Variants in KLHDC10 observed in about 807,000 individuals in gnomAD.
KLHDC10 encodes kelch domain-containing protein 10.
KLHDC10 carries 24 observed loss-of-function variants against 56.1 expected under a neutral mutation model. The observed-to-expected ratio is 0.43, with a 90% CI of 0.31 to 0.60. The LOEUF is 0.60. KLHDC10 is among the 20% of genes least tolerant of loss of function. KLHDC10 has a pLI of 0.11. For synonymous variants in KLHDC10, 188 were observed against 207.1 expected, an observed-to-expected ratio of 0.91 and a Z score of 0.79; for missense variants, 349 against 567.0, an observed-to-expected ratio of 0.62 and a Z score of 3.91.
Position 130,135,257 on chromosome 7 carries a change from G to A in KLHDC10, c.*4511G>A, listed in dbSNP as rs1796458563. The stretch of plus-strand genomic sequence containing the variant: ...AGTTATACATTTAGAATATAAAGGA[G>A]GCATCAGAAAACACACTCTCTAAAG... On this transcript the variant is annotated 3_prime_UTR_variant, in exon 10 of 10. Coordinates refer to ENST00000335420, the MANE Select transcript of KLHDC10 (RefSeq NM_014997.4). The A allele has an allele frequency of 1.3e-5, 2 of 154,294 alleles. No homozygotes were observed. The highest frequency in any genetic ancestry group is 2.4e-5 in the African/African-American group (1 of 41,608). The allele number at this position is 154,294 out of a possible 1,614,324, so 9.6% of individuals were successfully genotyped here.
At chr7:130,100,755 G>T (rs1795918376) in intron 2 of KLHDC10, among the ~76,000 whole-genome samples, 1 of 152,046 alleles carries the variant, frequency 6.6e-6, no homozygotes, top group Non-Finnish European at 1.5e-5. Flanking sequence ...GGTTCAGATT[G>T]TAGACAGTTT....
chr7:130,073,883 A>G (rs1795459335), intron 1 of KLHDC10, among the ~76,000 whole-genome samples: 1 of 152,118 alleles, frequency 6.6e-6, no homozygotes, highest in Admixed American at 6.6e-5. Flanking sequence ...CATAACTCCA[A>G]TCCACGGTGC....
Position 130,094,384 on chromosome 7 carries a change from T to C in KLHDC10, c.167-2537T>C, listed in dbSNP as rs1795821496. On this transcript the variant is annotated intron_variant, in intron 1 of 9. Coordinates refer to ENST00000335420, the MANE Select transcript of KLHDC10 (RefSeq NM_014997.4). The stretch of plus-strand genomic sequence containing the variant: ...ACCAGTGTTAAGACTTTGGTATGTT[T>C]CTTTCCAGTATTTTTTTCTAATCAC... Among the ~76,000 whole-genome samples the C allele has an allele frequency of 2.6e-5, 4 of 152,214 alleles. No homozygotes were observed. In the South Asian group the frequency reaches 8.3e-4, roughly 31 times the overall value.
At chr7:130,084,195 T>C (rs963216004) in intron 1 of KLHDC10, among the ~76,000 whole-genome samples, 1 of 152,202 alleles carries the variant, frequency 6.6e-6, no homozygotes, top group Non-Finnish European at 1.5e-5. Context: ...ATTATAAAAT[T>C]GAAGGGTAAC....
chr7:130,131,447 A>C lies in KLHDC10; in HGVS notation c.*701A>C, dbSNP rs1447283787. On this transcript the variant is annotated 3_prime_UTR_variant, in exon 10 of 10. Transcript: ENST00000335420. ...TTAGAGTTGGTTTGTCAAAAGACTT[A>C]CGTGTGTGTCGTGGTCGTGCTCTTT... 6.6e-6 allele frequency: 1 copy of C among 152,210 alleles called. No homozygotes were observed. The highest frequency in any genetic ancestry group is 1.9e-4 in the East Asian group (1 of 5,204). The allele number at this position is 152,210 out of a possible 1,614,324, so 9.4% of individuals were successfully genotyped here. A position where few individuals can be genotyped will look rare whatever the true frequency, so the allele number is the denominator to read the frequency against.
intron 8 of KLHDC10, among the ~76,000 whole-genome samples, chr7:130,128,875 T>TAA (rs1164826285): frequency 0.021 from 896 of 42,234 alleles, 61 homozygotes; most frequent in African/African-American, 0.034. Context: ...CCTTGTCTCT[T>TAA]AAAAAAAAAA....
chr7:130,100,343 G>A (rs1795912987), intron 2 of KLHDC10, among the ~76,000 whole-genome samples: 1 of 152,098 alleles, frequency 6.6e-6, no homozygotes, highest in South Asian at 2.1e-4. Flanking sequence ...CTATATCATA[G>A]CACTTATTGC....
At chr7:130,123,572 T>C (rs954377617) in intron 5 of KLHDC10, among the ~76,000 whole-genome samples, 1 of 152,198 alleles carries the variant, frequency 6.6e-6, no homozygotes, top group Admixed American at 6.5e-5. Context: ...TTATTAACTC[T>C]ATTTAGATGA....
intron 8 of KLHDC10, 126 bp downstream of exon 8, chr7:130,127,577 T>C (rs1796330773): frequency 1.5e-6 from 1 of 673,900 alleles, no homozygotes; most frequent in Non-Finnish European, 2.6e-6. Context: ...TCTTGTAAAC[T>C]TAAAGGGAAA....
chr7:130,075,522 G>A (rs1226571214), intron 1 of KLHDC10, among the ~76,000 whole-genome samples: 1 of 152,098 alleles, frequency 6.6e-6, no homozygotes, highest in Non-Finnish European at 1.5e-5. Context: ...TCCAGGTTCA[G>A]GGGGGACGGG....
chr7:130,088,792 G>GCCACC (rs1347193836), intron 1 of KLHDC10, among the ~76,000 whole-genome samples: 2 of 148,972 alleles, frequency 1.3e-5, no homozygotes, highest in African/African-American at 2.5e-5. Context: ...ACAGGGACCC[G>GCCACC]CCACCACACC....
intron 1 of KLHDC10, among the ~76,000 whole-genome samples, chr7:130,071,550 C>G (rs1795410715): frequency 6.6e-6 from 1 of 152,102 alleles, no homozygotes; most frequent in Admixed American, 6.6e-5. Context: ...AGTTCAGATG[C>G]TTTTGAAAAC....
At chr7:130,073,300 T>G (rs1474437862) in intron 1 of KLHDC10, among the ~76,000 whole-genome samples, 1 of 149,114 alleles carries the variant, frequency 6.7e-6, no homozygotes, top group Non-Finnish European at 1.5e-5. Context: ...TGTCTTTTTT[T>G]TTTTTTTTTT....
At chr7:130,124,397 T>TTA in intron 5 of KLHDC10, 54 bp from the exon 6 acceptor site, 1 of 1,051,092 alleles carries the variant, frequency 9.5e-7, no homozygotes, top group Admixed American at 1.8e-5. Context: ...TAGCTAAATC[T>TTA]TAGATAGGTC....
At chr7:130,124,377 A>G in intron 5 of KLHDC10, 74 bp from the exon 6 acceptor site, 1 of 857,048 alleles carries the variant, frequency 1.2e-6, no homozygotes, top group Non-Finnish European at 1.9e-6. Context: ...TGATGTAATA[A>G]AAAACCTTAT....
At chr7:130,087,600 G>T (rs1224426785) in intron 1 of KLHDC10, among the ~76,000 whole-genome samples, 1 of 152,028 alleles carries the variant, frequency 6.6e-6, no homozygotes, top group Non-Finnish European at 1.5e-5. Context: ...TTTACCCATA[G>T]TAGCTCCTGC....
In KLHDC10 at chr7:130,070,569, C is replaced by A. The variant is rs1285825808; in HGVS notation, c.-75C>A. 3.2e-6 allele frequency: 4 copies of A among 1,252,136 alleles called. No individual in the cohort carries two copies. Among genetic ancestry groups the A allele is most frequent in the Non-Finnish European group, 4.0e-6 (4 of 989,346 alleles). The allele number at this position is 1,252,136 out of a possible 1,614,324, so 77.6% of individuals were successfully genotyped here. On this transcript the variant is annotated 5_prime_UTR_variant, in exon 1 of 10. Coordinates refer to ENST00000335420, the MANE Select transcript of KLHDC10 (RefSeq NM_014997.4). ...CCTGTCTCCTGGGTCTCTGGAGGAG[C>A]CCAGGAAGGAGGCTCCGCTGGTTCC...
chr7:130,081,143 C>T (rs1387275314), intron 1 of KLHDC10, among the ~76,000 whole-genome samples: 4 of 150,062 alleles, frequency 2.7e-5, no homozygotes, highest in East Asian at 2.0e-4. Flanking sequence ...GGAATATAGG[C>T]GCCCGCCACT....
chr7:130,101,554 C>A (rs527818838), intron 2 of KLHDC10, among the ~76,000 whole-genome samples: 1 of 152,146 alleles, frequency 6.6e-6, no homozygotes, highest in South Asian at 2.1e-4. Flanking sequence ...CTCCTTCTCT[C>A]CCTTCACATA....
Sources: gnomAD v4.1 joint callset for allele counts (sites outside exome capture counted in the v4.1 genomes callset) on GRCh38, gnomAD v4.1.1 for gene constraint, MANE v1.5 for transcripts, NCBI Gene and HGNC (gene_info 2026-07-23, HGNC 2026-07-21) for gene names.